Variants in MBNL1 observed in about 807,000 individuals in gnomAD.
MBNL1 encodes the protein muscleblind-like protein 1.
A neutral mutation model predicts 42.2 loss-of-function variants in MBNL1; 8 were observed. The observed-to-expected ratio is 0.19, with a 90% CI of 0.11 to 0.34. MBNL1 has a LOEUF of 0.34. MBNL1 is among the 10% of genes least tolerant of loss of function. The pLI is 1.00. For missense variants in MBNL1, 309 were observed against 495.3 expected, an observed-to-expected ratio of 0.62 and a Z score of 3.57; for synonymous variants, 169 against 173.9, an observed-to-expected ratio of 0.97 and a Z score of 0.22.
intron 2 of MBNL1, among the ~76,000 whole-genome samples, chr3:152,331,567 TATTA>T (rs1425126220): frequency 6.6e-6 from 1 of 152,146 alleles, no homozygotes; most frequent in Non-Finnish European, 1.5e-5. Context: ...AGTTTATGCT[TATTA>T]ATTCATTTAT....
chr3:152,259,906 C>T (rs2035984097), intron 2 of MBNL1, among the ~76,000 whole-genome samples: 1 of 152,112 alleles, frequency 6.6e-6, no homozygotes, highest in Admixed American at 6.5e-5. Context: ...TTAGATTCAC[C>T]AGATACACAC....
chr3:152,399,442 T>C (rs17436404), intron 2 of MBNL1, among the ~76,000 whole-genome samples: 1 of 152,170 alleles, frequency 6.6e-6, no homozygotes, highest in Non-Finnish European at 1.5e-5. Flanking sequence ...CTAGCTCTTC[T>C]ACAACAATTT....
At chr3:152,368,147 T>C (rs1476125963) in intron 2 of MBNL1, among the ~76,000 whole-genome samples, 3 of 152,194 alleles carry the variant, frequency 2.0e-5, no homozygotes, top group Non-Finnish European at 4.4e-5. Context: ...GTTTTAGGTC[T>C]TATGTTTAAG....
At chr3:152,450,984 C>T (rs1721689508) in intron 6 of MBNL1, among the ~76,000 whole-genome samples, 1 of 152,154 alleles carries the variant, frequency 6.6e-6, no homozygotes, top group South Asian at 2.1e-4. Context: ...TTTGGTTGTT[C>T]TGCAGACAAA....
intron 1 of MBNL1, among the ~76,000 whole-genome samples, chr3:152,270,842 A>G (rs1024688253): frequency 1.3e-5 from 2 of 152,156 alleles, no homozygotes; most frequent in Admixed American, 1.3e-4. Context: ...AAATGTAGGC[A>G]TAGCTTTTTT....
At chr3:152,357,181 A>G (rs957418433) in intron 2 of MBNL1, among the ~76,000 whole-genome samples, 4 of 152,184 alleles carry the variant, frequency 2.6e-5, no homozygotes, top group African/African-American at 9.7e-5. Context: ...AGAGAACTTC[A>G]AGAATGGTAG....
At position 152,323,454 on chromosome 3, in the gene MBNL1, C is replaced by A. The variant is rs572254139; in HGVS notation, c.174+23087C>A. On this transcript the variant is annotated intron_variant, in intron 2 of 9. Transcript: ENST00000324210. Reference sequence around the variant, plus strand: ...AATTTAAAAAATATATATGTACACACACGTGCGTGCACACACACACACACG... The same window carrying A: ...AATTTAAAAAATATATATGTACACAAACGTGCGTGCACACACACACACACG... Among the ~76,000 whole-genome samples the A allele has an allele frequency of 7.2e-4, 109 of 152,154 alleles. 3 individuals carry two copies. The South Asian group carries it at 0.022, about 30-fold the overall frequency.
chr3:152,249,216 T>C (rs1200924737), intron 2 of MBNL1, among the ~76,000 whole-genome samples: 6 of 121,374 alleles, frequency 4.9e-5, no homozygotes, highest in Non-Finnish European at 8.8e-5. Context: ...ATGGTTGAAC[T>C]AGTTTACAGT....
chr3:152,265,064 T>C (rs546792777), upstream of MBNL1: 2 of 152,296 alleles, frequency 1.3e-5, no homozygotes, highest in African/African-American at 4.8e-5. Flanking sequence ...TATTCAAATA[T>C]CTGAACAAGT....
intron 2 of MBNL1, among the ~76,000 whole-genome samples, chr3:152,409,967 T>C (rs1260310420): frequency 6.6e-6 from 1 of 152,186 alleles, no homozygotes; most frequent in African/African-American, 2.4e-5. Context: ...TAGTTTGTAA[T>C]TGCATTGCAC....
At chr3:152,397,566 C>T (rs1038389457) in intron 2 of MBNL1, among the ~76,000 whole-genome samples, 2 of 152,164 alleles carry the variant, frequency 1.3e-5, no homozygotes, top group East Asian at 3.8e-4. Flanking sequence ...CATAGTATTC[C>T]ATGGTGTATA....
chr3:152,282,576 A>G (rs2049111520), intron 1 of MBNL1, among the ~76,000 whole-genome samples: 1 of 152,146 alleles, frequency 6.6e-6, no homozygotes, highest in African/African-American at 2.4e-5. Context: ...ACAGTTATAA[A>G]ATTTAGACAT....
At chr3:152,367,343 C>G (rs978387582) in intron 2 of MBNL1, among the ~76,000 whole-genome samples, 1 of 152,138 alleles carries the variant, frequency 6.6e-6, no homozygotes, top group Admixed American at 6.6e-5. Context: ...CATGTCCCTG[C>G]AAAGGATATG....
At chr3:152,441,200 A>G (rs2099141395) in intron 4 of MBNL1, among the ~76,000 whole-genome samples, 1 of 152,212 alleles carries the variant, frequency 6.6e-6, no homozygotes. Flanking sequence ...AAATATTGAC[A>G]TTAATCTCCT....
chr3:152,338,466 A>G, intron 2 of MBNL1: 1 of 985,328 alleles, frequency 1.0e-6, no homozygotes, highest in Non-Finnish European at 1.2e-6. Flanking sequence ...ACTTGCTTTC[A>G]GTTGTTAAGG....
At chr3:152,426,315 C>T (rs930301886) in intron 3 of MBNL1, among the ~76,000 whole-genome samples, 4 of 152,106 alleles carry the variant, frequency 2.6e-5, no homozygotes, top group Admixed American at 2.6e-4. Flanking sequence ...AACAAACCTG[C>T]ACGTTCTGCA....
chr3:152,385,411 AAC>A (rs1196490926), intron 2 of MBNL1, among the ~76,000 whole-genome samples: 1 of 152,026 alleles, frequency 6.6e-6, no homozygotes, highest in Non-Finnish European at 1.5e-5. Flanking sequence ...CCTCTTTCTT[AAC>A]AACTGCTTTC....
chr3:152,295,534 A>T (rs1205021327), intron 1 of MBNL1, among the ~76,000 whole-genome samples: 4 of 152,168 alleles, frequency 2.6e-5, no homozygotes, highest in African/African-American at 4.8e-5. Flanking sequence ...CAAACATTTT[A>T]AAAAAAGATC....
At chr3:152,378,610 A>G (rs1300338267) in intron 2 of MBNL1, among the ~76,000 whole-genome samples, 1 of 152,178 alleles carries the variant, frequency 6.6e-6, no homozygotes, top group African/African-American at 2.4e-5. Context: ...TTCTCTTTGA[A>G]ATCTTCCAAG....
Sources: gnomAD v4.1 joint callset for allele counts (sites outside exome capture counted in the v4.1 genomes callset) on GRCh38, gnomAD v4.1.1 for gene constraint, MANE v1.5 for transcripts, NCBI Gene and HGNC (gene_info 2026-07-23, HGNC 2026-07-21) for gene names.